Variants in TNFRSF19 observed in about 807,000 individuals in gnomAD.
The protein encoded by TNFRSF19 is tumor necrosis factor receptor superfamily member 19.
A neutral mutation model predicts 46.4 loss-of-function variants in TNFRSF19; 27 were observed. The ratio of observed to expected loss-of-function variants is 0.58; its 90% CI spans 0.43 to 0.80. The LOEUF (loss-of-function observed/expected upper bound fraction) is 0.80, where lower values mean the gene tolerates loss of function less well. Among genes scored for constraint, TNFRSF19 ranks in the 30% least tolerant of loss-of-function variants. TNFRSF19 has a pLI of 0.00. For missense variants in TNFRSF19, 511 were observed against 530.8 expected (o/e 0.96, Z 0.37); for synonymous variants, 204 against 205.0 (o/e 1.00, Z 0.04).
chr13:23,637,160 G>A (rs773241988), intron 5 of TNFRSF19, among the ~76,000 whole-genome samples: 20 of 152,052 alleles, frequency 1.3e-4, no homozygotes, highest in African/African-American at 2.9e-4. Flanking sequence ...TTTTAGGCCC[G>A]GGGGACACAG....
At chr13:23,609,652 A>T (rs1566182113) in intron 3 of TNFRSF19, among the ~76,000 whole-genome samples, 1 of 152,230 alleles carries the variant, frequency 6.6e-6, no homozygotes, top group African/African-American at 2.4e-5. Flanking sequence ...ACTTTAGTTA[A>T]TGTGAAAAAA....
intron 3 of TNFRSF19, among the ~76,000 whole-genome samples, chr13:23,596,297 A>G (rs1879718003): frequency 6.6e-6 from 1 of 152,342 alleles, no homozygotes; most frequent in Non-Finnish European, 1.5e-5. Context: ...CACCAATTAG[A>G]CTGGCAAATT....
intron 9 of TNFRSF19, among the ~76,000 whole-genome samples, chr13:23,670,422 G>A (rs1488812871): frequency 2.0e-5 from 3 of 152,136 alleles, no homozygotes; most frequent in Non-Finnish European, 4.4e-5. Flanking sequence ...TTCTCAAAAC[G>A]GGGGAATGGA....
intron 3 of TNFRSF19, among the ~76,000 whole-genome samples, chr13:23,601,410 A>G (rs1421506942): frequency 6.6e-6 from 1 of 152,186 alleles, no homozygotes; most frequent in African/African-American, 2.4e-5. Context: ...AGAGTTAAGG[A>G]CAAATAAAGA....
At chr13:23,634,342 C>A (rs138968416) in intron 5 of TNFRSF19, among the ~76,000 whole-genome samples, 17 of 152,304 alleles carry the variant, frequency 1.1e-4, no homozygotes, top group African/African-American at 4.1e-4. Flanking sequence ...TACCCAGTCA[C>A]CAATAAATCG....
chr13:23,583,322 T>C (rs1018448234), intron 1 of TNFRSF19, among the ~76,000 whole-genome samples: 10 of 151,958 alleles, frequency 6.6e-5, no homozygotes, highest in African/African-American at 2.2e-4. Flanking sequence ...CAAAAAAAAA[T>C]GATAAAGTAA....
chr13:23,599,434 G>A lies in TNFRSF19; in HGVS notation c.180+5979G>A, dbSNP rs573670295. On this transcript the variant is annotated intron_variant, in intron 3 of 9. Coordinates refer to ENST00000248484, the MANE Select transcript of TNFRSF19 (RefSeq NM_148957.4). Reference sequence around the variant, plus strand: ...ATCCTGACAGCATGTGTCCAAGGTGGTAGGGCTACAAGTTGGTTTTATACA... The same window carrying A: ...ATCCTGACAGCATGTGTCCAAGGTGATAGGGCTACAAGTTGGTTTTATACA... Among the ~76,000 whole-genome samples, 17 of 152,302 alleles carry A rather than the reference G, an allele frequency of 1.1e-4. No homozygotes were observed. The South Asian group carries it at 3.1e-3, about 28-fold the overall frequency.
At chr13:23,583,613 TGA>T (rs1187974872) in intron 1 of TNFRSF19, among the ~76,000 whole-genome samples, 1 of 152,220 alleles carries the variant, frequency 6.6e-6, no homozygotes, top group Admixed American at 6.5e-5. Context: ...GTCTGAAGAC[TGA>T]GTGTTATTTA....
At chr13:23,667,276 A>C (rs1951655517) in intron 7 of TNFRSF19, among the ~76,000 whole-genome samples, 1 of 152,176 alleles carries the variant, frequency 6.6e-6, no homozygotes, top group African/African-American at 2.4e-5. Context: ...AGCTTATATT[A>C]TCTTTGTAGC....
At chr13:23,594,263 T>A (rs1434605843) in intron 3 of TNFRSF19, 1 of 451,622 alleles carries the variant, frequency 2.2e-6, no homozygotes, top group Non-Finnish European at 4.4e-6. Context: ...AACCATTCAC[T>A]CCCCTGGAAA....
chr13:23,654,309 C>T (rs1476366821), intron 5 of TNFRSF19, among the ~76,000 whole-genome samples: 2 of 152,180 alleles, frequency 1.3e-5, no homozygotes, highest in Admixed American at 1.3e-4. Flanking sequence ...CTGTGCACAT[C>T]CTTTCCCATT....
intron 3 of TNFRSF19, among the ~76,000 whole-genome samples, chr13:23,615,073 CTTA>C (rs573861453): frequency 4.3e-4 from 66 of 152,286 alleles, no homozygotes; most frequent in Non-Finnish European, 7.4e-4. Context: ...TGTATTAAAA[CTTA>C]TTTTTAAAAT....
At chr13:23,668,215 G>A in intron 8 of TNFRSF19, 133 bp downstream of exon 8, 1 of 861,420 alleles carries the variant, frequency 1.2e-6, no homozygotes, top group African/African-American at 1.7e-5. Flanking sequence ...ATATTGGTGG[G>A]GTGCAGTTCT....
chr13:23,581,555 G>A (rs1878434953), intron 1 of TNFRSF19, among the ~76,000 whole-genome samples: 1 of 152,068 alleles, frequency 6.6e-6, no homozygotes, highest in Non-Finnish European at 1.5e-5. Context: ...TTTAACTTCA[G>A]ATGATAATAG....
intron 4 of TNFRSF19, among the ~76,000 whole-genome samples, chr13:23,622,632 T>A (rs1847436135): frequency 6.6e-6 from 1 of 152,196 alleles, no homozygotes; most frequent in Non-Finnish European, 1.5e-5. Flanking sequence ...CTATGCTTGA[T>A]CATCAATACC....
intron 9 of TNFRSF19, among the ~76,000 whole-genome samples, chr13:23,669,928 C>T (rs1951729917): frequency 6.6e-6 from 1 of 152,148 alleles, no homozygotes; most frequent in Non-Finnish European, 1.5e-5. Context: ...GTCACAGCAA[C>T]AGTCCAGCTC....
chr13:23,655,224 T>C (rs1464922690), intron 5 of TNFRSF19, among the ~76,000 whole-genome samples: 2 of 152,330 alleles, frequency 1.3e-5, no homozygotes, highest in East Asian at 1.9e-4. Flanking sequence ...GTACTCGTAA[T>C]AGACACTCAG....
chr13:23,654,249 A>C (rs544834859), intron 5 of TNFRSF19, among the ~76,000 whole-genome samples: 30 of 152,316 alleles, frequency 2.0e-4, no homozygotes, highest in Non-Finnish European at 4.0e-4. Context: ...TAGCAGTAGA[A>C]GGCAGAGGAG....
chr13:23,601,885 A>G (rs1211325700), intron 3 of TNFRSF19, among the ~76,000 whole-genome samples: 1 of 152,202 alleles, frequency 6.6e-6, no homozygotes, highest in Non-Finnish European at 1.5e-5. Context: ...CTGATATGCT[A>G]AGAAAGGAGA....
Sources: allele counts gnomAD v4.1 joint callset (sites outside exome capture counted in the v4.1 genomes callset), GRCh38; gene constraint gnomAD v4.1.1; transcripts MANE v1.5; gene names NCBI Gene and HGNC (gene_info 2026-07-23, HGNC 2026-07-21).